The following RALYL variants were observed in gnomAD, a reference collection of about 807,000 sequenced individuals.
RALYL encodes the protein RALY RNA binding protein like.
In RALYL, 29 loss-of-function variants were observed where a neutral mutation model predicts 35.1. The ratio of observed to expected loss-of-function variants is 0.83; its 90% CI spans 0.61 to 1.13. The LOEUF is 1.13. RALYL is among the 50% of genes most tolerant of loss of function. RALYL has a pLI of 0.00. For missense variants in RALYL, 359 were observed against 360.4 expected (o/e 1.00, Z 0.03); for synonymous variants, 120 against 127.6 (o/e 0.94, Z 0.40).
rs1195888294 is a variant in RALYL, at chr8:84,319,329, G to A, written c.-24+134905G>A. 7.2e-5 allele frequency among the ~76,000 whole-genome samples: 11 copies of A among 152,156 alleles called. 1 individual carries two copies. ...TCTGTCTTCTTAGTGACTATAGATG[G>A]TAAAATTTTTCAAAGAAAAGTTTCA... On this transcript the variant is annotated intron_variant, in intron 1 of 8. Transcript: ENST00000521268.
Position 84,487,543 on chromosome 8 carries a change from A to G in RALYL, c.-23-41756A>G, listed in dbSNP as rs1158444348. 5.3e-5 allele frequency among the ~76,000 whole-genome samples: 8 copies of G among 152,070 alleles called. 1 individual carries two copies. Among genetic ancestry groups the G allele is most frequent in the Non-Finnish European group, 5.9e-5 (4 of 67,984 alleles). On this transcript the variant is annotated intron_variant, in intron 1 of 8. Transcript: ENST00000521268. ...TTTGTTGCCAGTTTTTAAATATATG[A>G]TAGGGGTCAAGAAACCAAGAATCAC...
At chr8:84,754,091 C>T (rs1051960209) in intron 2 of RALYL, among the ~76,000 whole-genome samples, 4 of 151,790 alleles carry the variant, frequency 2.6e-5, no homozygotes, top group African/African-American at 7.3e-5. Context: ...TTGTAGGTTG[C>T]CTGTTCACTC....
At chr8:84,854,393 A>C (rs891735115) in intron 5 of RALYL, among the ~76,000 whole-genome samples, 1 of 152,118 alleles carries the variant, frequency 6.6e-6, no homozygotes, top group Non-Finnish European at 1.5e-5. Context: ...ATAATGGTAG[A>C]TGTATTTCTC....
chr8:84,495,271 T>A (rs1418293177), intron 1 of RALYL, among the ~76,000 whole-genome samples: 1 of 152,088 alleles, frequency 6.6e-6, no homozygotes, highest in Non-Finnish European at 1.5e-5. Context: ...TAGCATATGG[T>A]GCATAGTTTC....
chr8:84,739,181 T>C (rs1847845467), intron 2 of RALYL, among the ~76,000 whole-genome samples: 2 of 152,022 alleles, frequency 1.3e-5, no homozygotes, highest in Non-Finnish European at 1.5e-5. Flanking sequence ...ATTATTGTAT[T>C]TGGCTGAAAA....
rs56808126 is a variant in RALYL, at chr8:84,749,326, AT to A, written c.257-25245del. On this transcript the variant is annotated intron_variant, in intron 2 of 8. Transcript: ENST00000521268. ...CTGCCTGATATATTTGCTTGTACCA[AT>A]TTTTTTTATAGACTTCTGGCCATAT... Among the ~76,000 whole-genome samples the A allele has an allele frequency of 4.0e-5, 6 of 151,768 alleles. No homozygotes were observed. The South Asian group carries it at 6.2e-4, about 16-fold the overall frequency.
intron 4 of RALYL, among the ~76,000 whole-genome samples, chr8:84,848,221 A>G (rs779541010): frequency 2.8e-4 from 43 of 152,182 alleles, no homozygotes; most frequent in Non-Finnish European, 4.6e-4. Flanking sequence ...AACACTATTC[A>G]TAATGGCCAA....
chr8:84,692,449 T>C (rs1838253697), intron 2 of RALYL, among the ~76,000 whole-genome samples: 1 of 152,048 alleles, frequency 6.6e-6, no homozygotes, highest in Non-Finnish European at 1.5e-5. Context: ...TTTACAATTC[T>C]AATGTTTCAG....
chr8:84,486,111 C>A (rs2054588708), intron 1 of RALYL, among the ~76,000 whole-genome samples: 1 of 148,134 alleles, frequency 6.8e-6, no homozygotes, highest in African/African-American at 2.5e-5. Context: ...TAGAATACAG[C>A]AGCAGTGTAC....
intron 1 of RALYL, among the ~76,000 whole-genome samples, chr8:84,336,356 C>CT (rs1476039235): frequency 1.3e-5 from 2 of 151,980 alleles, no homozygotes; most frequent in African/African-American, 4.8e-5. Flanking sequence ...TTTTATTTTA[C>CT]TTTTTTTCAT....
intron 2 of RALYL, among the ~76,000 whole-genome samples, chr8:84,613,117 G>T (rs1011337443): frequency 6.6e-6 from 1 of 151,372 alleles, no homozygotes; most frequent in Admixed American, 6.6e-5. Context: ...AAAATATCTA[G>T]GTAAACACAC....
At chr8:84,823,033 C>G (rs1432932064) in intron 4 of RALYL, among the ~76,000 whole-genome samples, 1 of 152,046 alleles carries the variant, frequency 6.6e-6, no homozygotes, top group African/African-American at 2.4e-5. Flanking sequence ...CAGTGCCAAT[C>G]AATGAATTGT....
chr8:84,473,137 T>A (rs2052986094), intron 1 of RALYL, among the ~76,000 whole-genome samples: 1 of 152,076 alleles, frequency 6.6e-6, no homozygotes, highest in African/African-American at 2.4e-5. Flanking sequence ...AATAGTGTGG[T>A]TTATTTTTGA....
chr8:84,481,872 T>C (rs933351669), intron 1 of RALYL, among the ~76,000 whole-genome samples: 13 of 152,256 alleles, frequency 8.5e-5, no homozygotes, highest in African/African-American at 3.1e-4. Flanking sequence ...AAATGTTCTA[T>C]ATTGTGATTG....
At chr8:84,655,228 T>C (rs745554214) in intron 2 of RALYL, among the ~76,000 whole-genome samples, 73 of 152,168 alleles carry the variant, frequency 4.8e-4, no homozygotes, top group Non-Finnish European at 9.3e-4. Flanking sequence ...TGTTTCCCAT[T>C]TGTATGTCTT....
intron 2 of RALYL, among the ~76,000 whole-genome samples, chr8:84,709,221 T>A (rs1171949352): frequency 1.3e-5 from 2 of 152,104 alleles, no homozygotes; most frequent in South Asian, 2.1e-4. Flanking sequence ...CTAACCCTCA[T>A]TGCCTCCATA....
At chr8:84,827,678 G>A (rs1205742139) in intron 4 of RALYL, among the ~76,000 whole-genome samples, 1 of 151,926 alleles carries the variant, frequency 6.6e-6, no homozygotes, top group Non-Finnish European at 1.5e-5. Flanking sequence ...GACAAATCCA[G>A]TACAATATAT....
intron 4 of RALYL, among the ~76,000 whole-genome samples, chr8:84,809,410 C>A (rs1825400593): frequency 6.6e-6 from 1 of 152,056 alleles, no homozygotes; most frequent in Admixed American, 6.6e-5. Flanking sequence ...ATTTTAGCAT[C>A]TATGTTTATC....
intron 1 of RALYL, among the ~76,000 whole-genome samples, chr8:84,250,685 T>C (rs1400056879): frequency 6.6e-6 from 1 of 152,220 alleles, no homozygotes. Flanking sequence ...CAAAAAATTA[T>C]ATGCAAAAAT....
Sources: gnomAD v4.1 joint callset for allele counts (sites outside exome capture counted in the v4.1 genomes callset) on GRCh38, gnomAD v4.1.1 for gene constraint, MANE v1.5 for transcripts, NCBI Gene and HGNC (gene_info 2026-07-23, HGNC 2026-07-21) for gene names.